SIPA1L1: variants seen among roughly 807,000 people sequenced by gnomAD.
SIPA1L1 encodes signal-induced proliferation-associated 1-like protein 1.
A neutral mutation model predicts 162.7 loss-of-function variants in SIPA1L1; 26 were observed. That is an observed-to-expected ratio of 0.16 (90% CI 0.12 to 0.22). The LOEUF (loss-of-function observed/expected upper bound fraction) is 0.22, where lower values mean the gene tolerates loss of function less well. Ranked by LOEUF, SIPA1L1 falls within the 10% of genes least tolerant of loss-of-function variation. The pLI is 1.00. For synonymous variants in SIPA1L1, 829 were observed against 837.4 expected (o/e 0.99, Z 0.17); for missense variants, 1,874 against 2,241.0 (o/e 0.84, Z 3.31).
At chr14:71,347,498 G>T (rs552501666) in intron 2 of SIPA1L1, among the ~76,000 whole-genome samples, 222 of 152,090 alleles carry the variant, frequency 1.5e-3, no homozygotes, top group African/African-American at 5.2e-3. Context: ...TTTTTTCTTG[G>T]ATATATACCT....
At chr14:71,677,076 T>C (rs544942864) in intron 12 of SIPA1L1, among the ~76,000 whole-genome samples, 1 of 152,326 alleles carries the variant, frequency 6.6e-6, no homozygotes, top group Admixed American at 6.5e-5. Flanking sequence ...TTGAACTAGT[T>C]TACACTCCCA....
intron 4 of SIPA1L1, among the ~76,000 whole-genome samples, chr14:71,555,222 T>G (rs1353381570): frequency 6.6e-6 from 1 of 152,242 alleles, no homozygotes; most frequent in East Asian, 1.9e-4. Flanking sequence ...TCATCTATAC[T>G]GAAAATCTGT....
chr14:71,696,313 T>C (rs1402216774), intron 13 of SIPA1L1, among the ~76,000 whole-genome samples: 1 of 152,238 alleles, frequency 6.6e-6, no homozygotes, highest in Non-Finnish European at 1.5e-5. Flanking sequence ...TCTCCCTGTT[T>C]ACCCCATTTC....
chr14:71,329,340 G>C (rs567304758), intron 2 of SIPA1L1, among the ~76,000 whole-genome samples: 5 of 149,930 alleles, frequency 3.3e-5, no homozygotes, highest in Non-Finnish European at 7.4e-5. Flanking sequence ...ACTGTTTTTC[G>C]TAGTTGTACC....
At chr14:71,700,790 C>T (rs2082027013) in intron 14 of SIPA1L1, among the ~76,000 whole-genome samples, 1 of 151,848 alleles carries the variant, frequency 6.6e-6, no homozygotes, top group East Asian at 1.9e-4. Flanking sequence ...GTCAGGAGAT[C>T]AAGATCATCC....
intron 2 of SIPA1L1, among the ~76,000 whole-genome samples, chr14:71,370,387 T>C (rs1276106725): frequency 1.3e-5 from 2 of 152,162 alleles, no homozygotes; most frequent in South Asian, 2.1e-4. Flanking sequence ...TGTTGAATTT[T>C]GTCAAAGGCT....
intron 2 of SIPA1L1, among the ~76,000 whole-genome samples, chr14:71,326,030 T>C (rs1309799862): frequency 6.6e-6 from 1 of 152,152 alleles, no homozygotes; most frequent in Non-Finnish European, 1.5e-5. Context: ...CCAGTGCTGC[T>C]GCCATTGGAT....
Position 71,618,789 on chromosome 14 carries a change from C to T in SIPA1L1, c.1531C>T (p.Leu511Phe). 1 of 1,613,914 alleles carries T rather than the reference C, an allele frequency of 6.2e-7. No homozygotes were observed. The highest frequency in any genetic ancestry group is 8.5e-7 in the Non-Finnish European group (1 of 1,179,886). Reference sequence around the variant, plus strand: ...GAACTATTTTGGGGCTGATGAGAATCTTGGTCCAGTGGCTGTGAGCATTCG... The same window carrying T: ...GAACTATTTTGGGGCTGATGAGAATTTTGGTCCAGTGGCTGTGAGCATTCG... ...HWNYFGADEN[L>F]GPVAVSIRRE... The change falls in exon 6 of 24, where the codon CTT becomes TTT. Residue 511 changes from leucine to phenylalanine, a missense_variant. Leu to Phe is a conservative substitution (Grantham distance 22). Transcript: ENST00000381232.
intron 2 of SIPA1L1, among the ~76,000 whole-genome samples, chr14:71,363,885 C>A (rs932039840): frequency 6.6e-6 from 1 of 152,102 alleles, no homozygotes; most frequent in South Asian, 2.1e-4. Flanking sequence ...TTAATCAGAT[C>A]CTGTAATTAC....
At chr14:71,530,171 C>A (rs1226084671) in intron 4 of SIPA1L1, among the ~76,000 whole-genome samples, 3 of 152,156 alleles carry the variant, frequency 2.0e-5, no homozygotes, top group African/African-American at 4.8e-5. Flanking sequence ...TAGTTTCTCC[C>A]TGGGGAAATG....
chr14:71,331,688 C>T (rs1456240058), intron 2 of SIPA1L1, among the ~76,000 whole-genome samples: 2 of 152,184 alleles, frequency 1.3e-5, no homozygotes, highest in African/African-American at 4.8e-5. Context: ...TAAGAACTGT[C>T]ACTTGTGGTA....
chr14:71,404,341 C>G (rs1463153812), intron 2 of SIPA1L1, among the ~76,000 whole-genome samples: 1 of 152,036 alleles, frequency 6.6e-6, no homozygotes, highest in Non-Finnish European at 1.5e-5. Flanking sequence ...GTCAGGAGCT[C>G]GAGACCAACC....
At chr14:71,693,604 T>C (rs7148679) in intron 13 of SIPA1L1, among the ~76,000 whole-genome samples, 127,483 of 152,214 alleles carry the variant, frequency 0.84, 53,990 homozygotes, top group African/African-American at 0.95. Flanking sequence ...CAACAGGAAG[T>C]GATGAAAAGA....
chr14:71,565,064 T>G (rs1430531549), intron 4 of SIPA1L1, among the ~76,000 whole-genome samples: 1 of 152,242 alleles, frequency 6.6e-6, no homozygotes, highest in Non-Finnish European at 1.5e-5. Flanking sequence ...GTGTGTCCTC[T>G]TCTGAAGAAC....
chr14:71,491,813 C>CACACACACACACACACA (rs1555437273), intron 2 of SIPA1L1, among the ~76,000 whole-genome samples: 7 of 147,776 alleles, frequency 4.7e-5, no homozygotes, highest in South Asian at 4.3e-4. Flanking sequence ...CACACACACA[C>CACACACACACACACACA]CCCTTCCCCC....
intron 4 of SIPA1L1, among the ~76,000 whole-genome samples, chr14:71,555,267 T>C (rs1489070035): frequency 6.6e-6 from 1 of 152,248 alleles, no homozygotes; most frequent in African/African-American, 2.4e-5. Flanking sequence ...TCATTTTAGC[T>C]AGATCTTCTG....
At chr14:71,500,111 T>A (rs935693131) in intron 2 of SIPA1L1, among the ~76,000 whole-genome samples, 1 of 152,186 alleles carries the variant, frequency 6.6e-6, no homozygotes, top group Non-Finnish European at 1.5e-5. Context: ...TCATTGAGAT[T>A]AACTAGATAA....
intron 2 of SIPA1L1, among the ~76,000 whole-genome samples, chr14:71,493,903 T>A (rs1227436315): frequency 6.6e-6 from 1 of 152,246 alleles, no homozygotes. Flanking sequence ...TTTATACTCC[T>A]GATCACTGAT....
At position 71,618,762 on chromosome 14, in the gene SIPA1L1, T is replaced by C; in HGVS notation, c.1504T>C (p.Trp502Arg). 2 of 1,613,054 alleles carry C rather than the reference T, an allele frequency of 1.2e-6. No individual in the cohort carries two copies. Among genetic ancestry groups the C allele is most frequent in the Non-Finnish European group, 1.7e-6 (2 of 1,179,586 alleles). Residue 502 changes from tryptophan to arginine, a missense_variant, in exon 6 of 24, where the codon TGG becomes CGG. Physicochemically the swap from Trp to Arg is moderately radical, Grantham distance 101. Around this residue, in one of 5 missense-constraint regions of SIPA1L1, gnomAD observed 685 missense variants for 828.0 expected, o/e 0.83. Transcript: ENST00000381232. Reference sequence around the variant, plus strand: ...TTTGTCTTATTTTACCTAAGAACACTGGAACTATTTTGGGGCTGATGAGAA... The same window carrying C: ...TTTGTCTTATTTTACCTAAGAACACCGGAACTATTTTGGGGCTGATGAGAA... ...YRKFFYQKEH[W>R]NYFGADENLG... is the part of the protein sequence containing the mutation.
Sources: gnomAD v4.1 joint callset for allele counts (sites outside exome capture counted in the v4.1 genomes callset) on GRCh38, gnomAD v4.1.1 for gene constraint, gnomAD v4.1.1 regional missense constraint, MANE v1.5 for transcripts, NCBI Gene and HGNC (gene_info 2026-07-23, HGNC 2026-07-21) for gene names.